EPAS1: variants seen among roughly 807,000 people sequenced by gnomAD.
EPAS1 encodes endothelial PAS domain-containing protein 1.
Under a neutral mutation model 87.9 loss-of-function variants are expected in EPAS1, and 23 were observed. The observed-to-expected ratio is 0.26, with a 90% CI of 0.19 to 0.37. The LOEUF (loss-of-function observed/expected upper bound fraction) is 0.37. Among genes scored for constraint, EPAS1 ranks in the 10% least tolerant of loss-of-function variants. The pLI, the probability that EPAS1 is intolerant of heterozygous loss-of-function variation, is 1.00. For synonymous variants in EPAS1, 508 were observed against 444.3 expected, an observed-to-expected ratio of 1.14 and a Z score of -1.80; for missense variants, 1,138 against 1,120.7, an observed-to-expected ratio of 1.02 and a Z score of -0.22.
chr2:46,356,389 T>G, intron 3 of EPAS1, 87 bp downstream of exon 3: 1 of 1,550,380 alleles, frequency 6.5e-7, no homozygotes, highest in Non-Finnish European at 8.9e-7. Context: ...ACAATCCCAC[T>G]TGACCTCTCC....
chr2:46,298,282 A>G (rs919059884), intron 1 of EPAS1, among the ~76,000 whole-genome samples: 3 of 152,198 alleles, frequency 2.0e-5, no homozygotes, highest in Non-Finnish European at 2.9e-5. Context: ...GCGCTTGGAA[A>G]TGTTTGTGGG....
chr2:46,378,798 T>C (rs962924210), intron 11 of EPAS1, 31 bp downstream of exon 11: 2 of 1,558,426 alleles, frequency 1.3e-6, no homozygotes, highest in Admixed American at 3.3e-5. Flanking sequence ...GGCTAGGGTG[T>C]GTGCCTGCTG....
In EPAS1 at chr2:46,356,152, T is replaced by G; in HGVS notation, c.219T>G (p.Val73=). The stretch of plus-strand genomic sequence containing the variant: ...TGTCCCACCCCCCCCCCTTTCCAGT[T>G]TGCTCTGAAAACGAGTCCGAAGCCG... ...FLRTHKLLSS[V]CSENESEAEA... Residue 73 remains valine, a splice_region_variant and synonymous_variant, in exon 3 of 16, where the codon GTT becomes GTG. Coordinates refer to ENST00000263734, the MANE Select transcript of EPAS1 (RefSeq NM_001430.5). 2.5e-6 allele frequency: 3 copies of G among 1,201,322 alleles called. No homozygotes were observed. The highest frequency in any genetic ancestry group is 3.6e-6 in the Non-Finnish European group (3 of 835,490). 74.4% of individuals were successfully genotyped at this position (1,201,322 alleles called of 1,614,324 possible).
chr2:46,321,678 GC>G (rs1201312186), intron 1 of EPAS1, among the ~76,000 whole-genome samples: 1 of 151,158 alleles, frequency 6.6e-6, no homozygotes, highest in Non-Finnish European at 1.5e-5. Context: ...CCTGTTCCTT[GC>G]CCCCCACCCC....
At chr2:46,358,447 C>A in intron 4 of EPAS1, among the ~76,000 whole-genome samples, 1 of 152,196 alleles carries the variant, frequency 6.6e-6, no homozygotes, top group Non-Finnish European at 1.5e-5. Context: ...CTGAGAAAGC[C>A]TGAGAAAACC....
At position 46,385,688 on chromosome 2, in the gene EPAS1, T is replaced by C. The variant is rs191609805; in HGVS notation, c.*1028T>C. ...ATCCCCTCACATTCTCTATGTACTA[T>C]GTATGTATGTATTATTATTATTGCT... On this transcript the variant is annotated 3_prime_UTR_variant, in exon 16 of 16. Transcript: ENST00000263734. The C allele has an allele frequency of 7.2e-4, 109 of 150,598 alleles. No individual in the cohort carries two copies. Among genetic ancestry groups the C allele is most frequent in the African/African-American group, 2.4e-3 (97 of 40,598 alleles). The allele number at this position is 150,598 out of a possible 1,614,324, so 9.3% of individuals were successfully genotyped here.
In EPAS1 at chr2:46,304,027, G is replaced by C. The variant is rs148303120; in HGVS notation, c.26+6090G>C. Among the ~76,000 whole-genome samples the C allele has an allele frequency of 6.0e-4, 92 of 152,316 alleles. 2 individuals are homozygous for C. Among genetic ancestry groups the C allele is most frequent in the African/African-American group, 2.1e-3 (89 of 41,576 alleles). On this transcript the variant is annotated intron_variant, in intron 1 of 15. Coordinates refer to ENST00000263734, the MANE Select transcript of EPAS1 (RefSeq NM_001430.5). ...CCCTGCACAGGGTAAATACTGGTAT[G>C]ATTCATTTTATTAATGCTTCTGAAA... is the stretch of plus-strand genomic sequence containing the variant.
At chr2:46,381,466 A>G in intron 12 of EPAS1, 130 bp from the exon 13 acceptor site, 6 of 1,450,516 alleles carry the variant, frequency 4.1e-6, no homozygotes, top group Non-Finnish European at 5.8e-6. Flanking sequence ...TGCCTCTGAG[A>G]CTCTGCCTTT....
intron 1 of EPAS1, among the ~76,000 whole-genome samples, chr2:46,318,812 G>A (rs1250983941): frequency 6.6e-6 from 1 of 152,132 alleles, no homozygotes; most frequent in African/African-American, 2.4e-5. Flanking sequence ...AATAAAATGA[G>A]GTATGCCTGC....
Position 46,384,887 on chromosome 2 carries a change from T to C in EPAS1, c.*227T>C, listed in dbSNP as rs568139493. On this transcript the variant is annotated 3_prime_UTR_variant, in exon 16 of 16. Coordinates refer to ENST00000263734, the MANE Select transcript of EPAS1 (RefSeq NM_001430.5). ...TTGTTTTACCTGTTCTGAAATGTTC[T>C]TAAATTTTGTAGGATTTTTTTCCTC... 1.4e-5 allele frequency: 8 copies of C among 592,448 alleles called. No individual in the cohort carries two copies. The East Asian group carries it at 2.4e-4, about 18-fold the overall frequency. 36.7% of individuals were successfully genotyped at this position (592,448 alleles called of 1,614,324 possible).
At position 46,360,416 on chromosome 2, in the gene EPAS1, G is replaced by T. The variant is rs1408522021; in HGVS notation, c.455-222G>T. Among the ~76,000 whole-genome samples the T allele has an allele frequency of 6.6e-6, 1 of 152,234 alleles. No individual in the cohort carries two copies. Among genetic ancestry groups the T allele is most frequent in the Non-Finnish European group, 1.5e-5 (1 of 68,046 alleles). On this transcript the variant is annotated intron_variant, in intron 4 of 15. Coordinates refer to ENST00000263734, the MANE Select transcript of EPAS1 (RefSeq NM_001430.5). The surrounding 1 kb of genome is among the most constrained non-coding windows in gnomAD (Gnocchi z 4.5). Reference sequence around the variant, plus strand: ...AATGATGGAGCAGCTCCTCCCTTGTGGGAGTTTATGCTCCAGTTGAGGAGA... The same window carrying T: ...AATGATGGAGCAGCTCCTCCCTTGTTGGAGTTTATGCTCCAGTTGAGGAGA...
At position 46,346,993 on chromosome 2, in the gene EPAS1, C is replaced by A; in HGVS notation, c.147C>A (p.Ser49=). 1 of 1,614,194 alleles carries A rather than the reference C, an allele frequency of 6.2e-7. No homozygotes were observed. Among genetic ancestry groups the A allele is most frequent in the Non-Finnish European group, 8.5e-7 (1 of 1,180,030 alleles). The stretch of plus-strand genomic sequence containing the variant: ...TGCCTCTGCCCCACAGTGTGAGCTC[C>A]CATCTGGACAAGGCCTCCATCATGC... ...HELPLPHSVS[S]HLDKASIMRL... The change falls in exon 2 of 16, where the codon TCC becomes TCA. Residue 49 remains serine, a synonymous_variant. Transcript: ENST00000263734. This position sits in a 1 kb window ranked among gnomAD's most constrained non-coding sequence, Gnocchi z 4.0.
intron 7 of EPAS1, among the ~76,000 whole-genome samples, chr2:46,373,580 G>C (rs1226813929): frequency 6.6e-6 from 1 of 152,144 alleles, no homozygotes; most frequent in Admixed American, 6.5e-5. Context: ...AAGACAATTC[G>C]AATATATAGT....
intron 1 of EPAS1, among the ~76,000 whole-genome samples, chr2:46,308,451 G>C (rs1223973615): frequency 1.1e-5 from 1 of 87,514 alleles, no homozygotes; most frequent in Non-Finnish European, 2.6e-5. Flanking sequence ...TACCTTGCTT[G>C]CTTTTTTTTG....
At chr2:46,332,729 T>C (rs1171824304) in intron 1 of EPAS1, among the ~76,000 whole-genome samples, 1 of 151,942 alleles carries the variant, frequency 6.6e-6, no homozygotes, top group Non-Finnish European at 1.5e-5. Context: ...CTCACCTCTA[T>C]GTTATATCAC....
intron 1 of EPAS1, among the ~76,000 whole-genome samples, chr2:46,334,634 G>C (rs553418316): frequency 6.6e-6 from 1 of 152,156 alleles, no homozygotes; most frequent in Admixed American, 6.5e-5. Flanking sequence ...CTGAGGTCAG[G>C]CATAGTTGTT....
rs1284816682 is a variant in EPAS1 at position 46,377,875 on chromosome 2, C to G, written c.1250-19C>G. 1.9e-6 allele frequency: 3 copies of G among 1,551,714 alleles called. No individual in the cohort carries two copies. Among genetic ancestry groups the G allele is most frequent in the Non-Finnish European group, 1.7e-6 (2 of 1,147,046 alleles). On this transcript the variant is annotated intron_variant, in intron 9 of 15. Transcript: ENST00000263734. The stretch of plus-strand genomic sequence containing the variant: ...CCGATGGTTGTGGGTGTTCACCTCC[C>G]AGGCCCTTGTCTCCACAGGGAATCA...
At chr2:46,357,745 T>G (rs971319672) in intron 4 of EPAS1, among the ~76,000 whole-genome samples, 1 of 152,138 alleles carries the variant, frequency 6.6e-6, no homozygotes, top group Non-Finnish European at 1.5e-5. Flanking sequence ...AGAAGAGGTT[T>G]AAAAAGATGT....
At chr2:46,369,712 T>G (rs1049971750) in intron 6 of EPAS1, 115 bp from the exon 7 acceptor site, 3 of 735,158 alleles carry the variant, frequency 4.1e-6, no homozygotes, top group Non-Finnish European at 7.4e-6. Flanking sequence ...AAGTCTGGAT[T>G]GTGTTCATCT....
Sources: allele counts gnomAD v4.1 joint callset (sites outside exome capture counted in the v4.1 genomes callset), GRCh38; gene constraint gnomAD v4.1.1; non-coding constraint Gnocchi (gnomAD v3.1); transcripts MANE v1.5; gene names NCBI Gene and HGNC (gene_info 2026-07-23, HGNC 2026-07-21).